FNBP1: variants seen among roughly 807,000 people sequenced by gnomAD.
The protein encoded by FNBP1 is formin binding protein 1, also known as formin-binding protein 1.
In FNBP1, 26 loss-of-function variants were observed where a neutral mutation model predicts 90.6. The ratio of observed to expected loss-of-function variants is 0.29; its 90% CI spans 0.21 to 0.40. FNBP1 has a LOEUF of 0.40. Ranked by LOEUF, FNBP1 falls within the 10% of genes least tolerant of loss-of-function variation. The pLI is 1.00. For synonymous variants in FNBP1, 260 were observed against 265.2 expected, an observed-to-expected ratio of 0.98 and a Z score of 0.19; for missense variants, 635 against 768.0, an observed-to-expected ratio of 0.83 and a Z score of 2.05.
chr9:130,053,635 C>T, the FNBP1 span: 1 of 454,726 alleles, frequency 2.2e-6, no homozygotes, highest in Non-Finnish European at 3.9e-6. Context: ...GCTTCCAAAG[C>T]TCAGCGAGGC....
intron 16 of FNBP1, among the ~76,000 whole-genome samples, chr9:129,892,026 A>ATAAT (rs2035148091): frequency 6.6e-6 from 1 of 152,216 alleles, no homozygotes; most frequent in African/African-American, 2.4e-5. Context: ...CCCAGAGTTT[A>ATAAT]TAATAAACTC....
chr9:130,007,599 G>T (rs1478760772), intron 1 of FNBP1, among the ~76,000 whole-genome samples: 1 of 152,156 alleles, frequency 6.6e-6, no homozygotes, highest in Non-Finnish European at 1.5e-5. Context: ...CTATTTTGAC[G>T]TTCTTAGAAC....
chr9:130,047,151 A>T (rs1321507419), upstream of FNBP1, among the ~76,000 whole-genome samples: 1 of 152,048 alleles, frequency 6.6e-6, no homozygotes, highest in Non-Finnish European at 1.5e-5. Context: ...CCATTAGACT[A>T]TGGCCAGGGT....
chr9:129,978,230 A>G, intron 4 of FNBP1: 1 of 354,468 alleles, frequency 2.8e-6, no homozygotes, highest in Middle Eastern at 8.2e-4. Flanking sequence ...CATGTTGGTC[A>G]GGCTGGTCTC....
intron 1 of FNBP1, among the ~76,000 whole-genome samples, chr9:130,012,142 G>A (rs370838774): frequency 6.6e-6 from 1 of 152,342 alleles, no homozygotes; most frequent in East Asian, 1.9e-4. Context: ...TAGAAAAGAT[G>A]CAGAGCCTAA....
upstream of FNBP1, among the ~76,000 whole-genome samples, chr9:130,043,346 G>T (rs1250555435): frequency 6.6e-6 from 1 of 152,038 alleles, no homozygotes; most frequent in Admixed American, 6.5e-5. Context: ...GTCGCCCTGG[G>T]GTCCGGAAGG....
chr9:130,039,824 T>C (rs1277601063), intron 1 of FNBP1, among the ~76,000 whole-genome samples: 2 of 152,144 alleles, frequency 1.3e-5, no homozygotes, highest in Non-Finnish European at 2.9e-5. Flanking sequence ...ATTAGAAACC[T>C]GTAGTTTCTA....
chr9:129,894,928 C>T (rs10988540), intron 16 of FNBP1, among the ~76,000 whole-genome samples: 85,139 of 151,712 alleles, frequency 0.56, 24,156 homozygotes, highest in East Asian at 0.78. Flanking sequence ...CGTGGTGGTG[C>T]ACACCTGTAA....
chr9:130,045,585 G>A (rs1266490548), upstream of FNBP1, among the ~76,000 whole-genome samples: 2 of 152,216 alleles, frequency 1.3e-5, no homozygotes, highest in Non-Finnish European at 2.9e-5. Flanking sequence ...CGAGTAAGCA[G>A]GAGATTGTTA....
At chr9:129,943,872 A>G (rs2132410094) in intron 6 of FNBP1, among the ~76,000 whole-genome samples, 1 of 151,080 alleles carries the variant, frequency 6.6e-6, no homozygotes, top group South Asian at 2.1e-4. Flanking sequence ...GGGGGCCTGT[A>G]TCCCCAGCTA....
chr9:129,930,843 T>C (rs1201701617), intron 6 of FNBP1, among the ~76,000 whole-genome samples: 1 of 152,180 alleles, frequency 6.6e-6, no homozygotes, highest in African/African-American at 2.4e-5. Flanking sequence ...GGCAAAAAAC[T>C]ACCTCCTGCC....
chr9:129,979,360 T>C lies in FNBP1; in HGVS notation c.155A>G (p.Lys52Arg), dbSNP rs566805123. 2 of 1,604,234 alleles carry C rather than the reference T, an allele frequency of 1.2e-6. No individual in the cohort carries two copies. Among genetic ancestry groups the C allele is most frequent in the African/African-American group, 2.7e-5 (2 of 74,832 alleles). ...CTTCGAGTTCTTTTTAGGTTGGTAC[T>C]TCTTTGAAAGATTCCTGAAATAAAA... ...YAKQLRNLSK[K>R]YQPKKNSKEE... Residue 52 changes from lysine (K) to arginine (R), a missense_variant, in exon 3 of 17, where the codon AAG becomes AGG. By Grantham distance (26) the Lys-to-Arg change is conservative (BLOSUM62 2). Coordinates refer to ENST00000446176, the MANE Select transcript of FNBP1 (RefSeq NM_015033.3).
chr9:129,972,719 A>T (rs2049679652), intron 4 of FNBP1, among the ~76,000 whole-genome samples: 1 of 151,988 alleles, frequency 6.6e-6, no homozygotes. Context: ...TTTAGTAGAG[A>T]CAGGGTTTCG....
chr9:130,050,650 T>A, the FNBP1 span, among the ~76,000 whole-genome samples: 3 of 149,968 alleles, frequency 2.0e-5, no homozygotes, highest in Admixed American at 6.6e-5. Flanking sequence ...AATCAACTCT[T>A]TTTTTTTTTT....
At chr9:129,955,135 A>C (rs2046731085) in intron 6 of FNBP1, among the ~76,000 whole-genome samples, 1 of 152,216 alleles carries the variant, frequency 6.6e-6, no homozygotes, top group African/African-American at 2.4e-5. Flanking sequence ...AAAATTAACA[A>C]AAGGCATGAA....
chr9:129,895,186 G>C (rs1345458739), intron 16 of FNBP1: 4 of 859,246 alleles, frequency 4.7e-6, no homozygotes, highest in Non-Finnish European at 5.8e-6. Flanking sequence ...TGGTTGTCTG[G>C]GATCATGTAG....
chr9:129,943,714 C>T (rs938292059), intron 6 of FNBP1, among the ~76,000 whole-genome samples: 4 of 150,702 alleles, frequency 2.7e-5, no homozygotes, highest in Admixed American at 6.6e-5. Context: ...CTATTGTGGT[C>T]GGGCACGGTA....
At chr9:130,022,570 T>C (rs1276463940) in intron 1 of FNBP1, among the ~76,000 whole-genome samples, 3 of 152,220 alleles carry the variant, frequency 2.0e-5, no homozygotes, top group African/African-American at 4.8e-5. Context: ...TAGTTACAAG[T>C]AGAAAATGAG....
chr9:129,906,064 G>T (rs1003241355), intron 12 of FNBP1, among the ~76,000 whole-genome samples: 4 of 151,900 alleles, frequency 2.6e-5, no homozygotes, highest in African/African-American at 9.7e-5. Flanking sequence ...TGTATTTTTA[G>T]TAGAGATGGG....
Sources: gnomAD v4.1 joint callset for allele counts (sites outside exome capture counted in the v4.1 genomes callset) on GRCh38, gnomAD v4.1.1 for gene constraint, MANE v1.5 for transcripts, NCBI Gene and HGNC (gene_info 2026-07-23, HGNC 2026-07-21) for gene names.